Variants in PPP1CB observed in about 807,000 individuals in gnomAD.
The protein encoded by PPP1CB is serine/threonine-protein phosphatase PP1-beta catalytic subunit.
Under a neutral mutation model 43.7 loss-of-function variants are expected in PPP1CB, and 2 were observed. That is an observed-to-expected ratio of 0.05 (90% CI 0.02 to 0.14). The LOEUF (loss-of-function observed/expected upper bound fraction) is 0.14, where lower values mean the gene tolerates loss of function less well. Among genes scored for constraint, PPP1CB ranks in the 10% least tolerant of loss-of-function variants. The pLI, the probability that PPP1CB is intolerant of heterozygous loss-of-function variation, is 1.00. For missense variants in PPP1CB, 84 were observed against 398.0 expected (o/e 0.21, Z 6.71); for synonymous variants, 136 against 135.6 (o/e 1.00, Z -0.02).
At chr2:28,770,199 G>A (rs568129677) in intron 1 of PPP1CB, among the ~76,000 whole-genome samples, 21 of 152,198 alleles carry the variant, frequency 1.4e-4, no homozygotes, top group Admixed American at 1.2e-3. Context: ...GGAGGCAAAG[G>A]TTTCAGTGAG....
chr2:28,778,632 C>T, intron 2 of PPP1CB, 177 bp from the exon 3 acceptor site: 2 of 584,932 alleles, frequency 3.4e-6, no homozygotes, highest in Non-Finnish European at 6.1e-6. Context: ...TCTTTTGTAA[C>T]TTAATCTTGG....
chr2:28,766,379 T>C (rs930172308), intron 1 of PPP1CB, among the ~76,000 whole-genome samples: 3 of 152,238 alleles, frequency 2.0e-5, no homozygotes, highest in Non-Finnish European at 4.4e-5. Flanking sequence ...CAGTAATACC[T>C]GATTAAGATA....
Position 28,776,864 on chromosome 2 carries a change from T to C in PPP1CB, c.66T>C (p.Arg22=). The C allele has an allele frequency of 6.2e-7, 1 of 1,611,900 alleles. No individual in the cohort carries two copies. The highest frequency in any genetic ancestry group is 1.1e-5 in the South Asian group (1 of 90,872). Residue 22 remains arginine, a synonymous_variant, in exon 2 of 8, where the codon CGT becomes CGC. Transcript: ENST00000395366. Reference sequence around the variant, plus strand: ...ATCGTTTGTCAGTACGAGGATGTCGTCCAGGAAAGATTGTGCAGATGACTG... The same window carrying C: ...ATCGTTTGTCAGTACGAGGATGTCGCCCAGGAAAGATTGTGCAGATGACTG... ...ITRLLEVRGC[R]PGKIVQMTEA...
intron 1 of PPP1CB, among the ~76,000 whole-genome samples, chr2:28,771,549 G>A (rs747512880): frequency 6.6e-6 from 1 of 152,124 alleles, no homozygotes; most frequent in Non-Finnish European, 1.5e-5. Context: ...ATGGGGTAAT[G>A]AGCTATATAG....
Position 28,799,439 on chromosome 2 carries a change from G to A in PPP1CB, c.*136G>A. 1.6e-6 allele frequency: 1 copy of A among 622,782 alleles called. No homozygotes were observed. Among genetic ancestry groups the A allele is most frequent in the Non-Finnish European group, 2.7e-6 (1 of 370,048 alleles). 38.6% of individuals were successfully genotyped at this position (622,782 alleles called of 1,614,324 possible). On this transcript the variant is annotated 3_prime_UTR_variant, in exon 8 of 8. Transcript: ENST00000395366. ...CCTTTAACTTAAGGAGACGGGTAAAGGATCTTAAATTTTTTTCTAATAGAA... is the reference window on the plus strand; with the variant it reads ...CCTTTAACTTAAGGAGACGGGTAAAAGATCTTAAATTTTTTTCTAATAGAA...
At chr2:28,780,005 T>TAGTGAAAAAAG (rs1263696182) in intron 3 of PPP1CB, among the ~76,000 whole-genome samples, 1 of 152,110 alleles carries the variant, frequency 6.6e-6, no homozygotes, top group African/African-American at 2.4e-5. Context: ...TATGTCCTTG[T>TAGTGAAAAAAG]AGTGAAAAAA....
At chr2:28,752,286 A>C in intron 1 of PPP1CB, 110 bp downstream of exon 1, 1 of 1,022,016 alleles carries the variant, frequency 9.8e-7, no homozygotes, top group Non-Finnish European at 1.4e-6. Flanking sequence ...CCCCGAGACG[A>C]GTCTCTGGGA....
intron 1 of PPP1CB, among the ~76,000 whole-genome samples, chr2:28,771,046 C>CCA (rs1666899825): frequency 1.0e-5 from 1 of 96,028 alleles, no homozygotes; most frequent in Non-Finnish European, 2.1e-5. Flanking sequence ...CTGCTCCCCC[C>CCA]CCCCCACCCT....
intron 3 of PPP1CB, 47 bp downstream of exon 3, chr2:28,779,086 C>G (rs187169266): frequency 3.6e-6 from 5 of 1,391,046 alleles, no homozygotes; most frequent in Non-Finnish European, 5.0e-6. Context: ...GAAACATTGC[C>G]TAATAATTTT....
intron 1 of PPP1CB, among the ~76,000 whole-genome samples, chr2:28,773,259 G>A (rs536740432): frequency 1.1e-4 from 17 of 152,236 alleles, no homozygotes; most frequent in Admixed American, 9.2e-4. Flanking sequence ...ATTTTATCTG[G>A]TCTGAAATTA....
chr2:28,759,907 C>T (rs941928064), intron 1 of PPP1CB, among the ~76,000 whole-genome samples: 1 of 151,810 alleles, frequency 6.6e-6, no homozygotes, highest in Non-Finnish European at 1.5e-5. Flanking sequence ...GCTTGAGTCA[C>T]TACGCAGGGC....
At chr2:28,794,735 A>G (rs764819700) in intron 7 of PPP1CB, among the ~76,000 whole-genome samples, 3 of 151,974 alleles carry the variant, frequency 2.0e-5, no homozygotes, top group Non-Finnish European at 2.9e-5. Flanking sequence ...TCAAAATAAT[A>G]CTAAACTACC....
At chr2:28,751,781 G>T, upstream of PPP1CB, 1 of 392,386 alleles carries the variant, frequency 2.5e-6, no homozygotes, top group Non-Finnish European at 4.7e-6. Flanking sequence ...AGGGACGTGC[G>T]GAGTGAGTGG....
At chr2:28,773,300 G>T (rs995713588) in intron 1 of PPP1CB, among the ~76,000 whole-genome samples, 1 of 152,136 alleles carries the variant, frequency 6.6e-6, no homozygotes, top group Non-Finnish European at 1.5e-5. Flanking sequence ...GGAAATTTTT[G>T]ATCCAAAAAT....
chr2:28,797,760 G>A (rs916321271), intron 7 of PPP1CB, among the ~76,000 whole-genome samples: 5 of 151,998 alleles, frequency 3.3e-5, no homozygotes, highest in African/African-American at 1.2e-4. Flanking sequence ...TTATTCTTTT[G>A]AAGAACCAAC....
chr2:28,775,855 A>G (rs780321598), intron 1 of PPP1CB, among the ~76,000 whole-genome samples: 1 of 152,186 alleles, frequency 6.6e-6, no homozygotes, highest in Non-Finnish European at 1.5e-5. Flanking sequence ...CCTTCATCCC[A>G]CAAGTTACTG....
At position 28,785,065 on chromosome 2, in the gene PPP1CB, C is replaced by CTTTTTTTTTTTTTTT; in HGVS notation, c.592+1101_592+1115dup. On this transcript the variant is annotated intron_variant, in intron 5 of 7. Coordinates refer to ENST00000395366, the MANE Select transcript of PPP1CB (RefSeq NM_002709.3). ...ATGTTGTAATAAATTGTGTTAGGAG[C>CTTTTTTTTTTTTTTT]TTTTTTTTTTTTTTTTTTTTTTTTT... Among the ~76,000 whole-genome samples, 66 of 54,998 alleles carry CTTTTTTTTTTTTTTT rather than the reference C, an allele frequency of 1.2e-3. 17 individuals carry two copies. The highest frequency in any genetic ancestry group is 0.03 in the Middle Eastern group (2 of 66). 36.1% of individuals were successfully genotyped at this position (54,998 alleles called of 152,430 possible).
chr2:28,751,737 C>G (rs963398870), upstream of PPP1CB: 2 of 266,932 alleles, frequency 7.5e-6, no homozygotes, highest in South Asian at 3.4e-5. Flanking sequence ...CACCGCGCGC[C>G]TGCGCGGAGA....
intron 6 of PPP1CB, among the ~76,000 whole-genome samples, chr2:28,789,951 A>T (rs1418254637): frequency 3.3e-5 from 5 of 152,094 alleles, no homozygotes; most frequent in South Asian, 2.1e-4. Context: ...ATAAGAGCAA[A>T]CCACACTTTA....
Sources: allele counts gnomAD v4.1 joint callset (sites outside exome capture counted in the v4.1 genomes callset), GRCh38; gene constraint gnomAD v4.1.1; transcripts MANE v1.5; gene names NCBI Gene and HGNC (gene_info 2026-07-23, HGNC 2026-07-21).